The following NUMB variants were observed in gnomAD, a reference collection of about 807,000 sequenced individuals.
NUMB encodes protein numb homolog.
Under a neutral mutation model 59.7 loss-of-function variants are expected in NUMB, and 29 were observed. The ratio of observed to expected loss-of-function variants is 0.49; its 90% CI spans 0.36 to 0.66. NUMB has a LOEUF of 0.66. NUMB is among the 30% of genes least tolerant of loss of function. The pLI is 0.00. For missense variants in NUMB, 723 were observed against 822.0 expected, an observed-to-expected ratio of 0.88 and a Z score of 1.47; for synonymous variants, 288 against 288.2, an observed-to-expected ratio of 1.00 and a Z score of 0.01.
intron 6 of NUMB, among the ~76,000 whole-genome samples, chr14:73,306,432 C>T (rs1249739590): frequency 1.3e-5 from 2 of 152,156 alleles, no homozygotes; most frequent in African/African-American, 4.8e-5. Context: ...AAATTTATCC[C>T]TTCTCACAAT....
rs568999106 is a variant in NUMB at position 73,332,453 on chromosome 14, C to T, written c.127-9249G>A. Among the ~76,000 whole-genome samples the T allele has an allele frequency of 3.9e-5, 6 of 152,028 alleles. No homozygotes were observed. The East Asian group carries it at 1.2e-3, about 30-fold the overall frequency. Reference sequence around the variant, plus strand: ...ATTTTTAGTAGAGATAGAGTTTCACCATGTTGGCCAGGCTGGTCTCGAACT... The same window carrying T: ...ATTTTTAGTAGAGATAGAGTTTCACTATGTTGGCCAGGCTGGTCTCGAACT... On this transcript the variant is annotated intron_variant, in intron 4 of 12. Transcript: ENST00000555238.
At chr14:73,430,841 A>G (rs989814623) in intron 1 of NUMB, among the ~76,000 whole-genome samples, 3 of 151,958 alleles carry the variant, frequency 2.0e-5, no homozygotes, top group Non-Finnish European at 2.9e-5. Flanking sequence ...GCTACTGGGA[A>G]GGCTGAGGCA....
rs144898830 is a variant in NUMB, at chr14:73,386,421, G to T, written c.-100-19440C>A. Among the ~76,000 whole-genome samples, 521 of 152,140 alleles carry T rather than the reference G, an allele frequency of 3.4e-3. 1 individual carries two copies. The highest frequency in any genetic ancestry group is 5.5e-3 in the Non-Finnish European group (375 of 68,022). Reference sequence around the variant, plus strand: ...CACTACCCACCCATACACCACCAGAGAAAGAAGTTGATCCAACGCTGCTAC... The same window carrying T: ...CACTACCCACCCATACACCACCAGATAAAGAAGTTGATCCAACGCTGCTAC... On this transcript the variant is annotated intron_variant, in intron 2 of 12. Coordinates refer to ENST00000555238, the MANE Select transcript of NUMB (RefSeq NM_001005743.2).
chr14:73,447,521 G>C (rs1459284229), intron 1 of NUMB, among the ~76,000 whole-genome samples: 2 of 151,402 alleles, frequency 1.3e-5, no homozygotes, highest in Non-Finnish European at 2.9e-5. Context: ...AATTAGTCTA[G>C]AGTATTACAG....
intron 2 of NUMB, among the ~76,000 whole-genome samples, chr14:73,387,476 T>G (rs1374357447): frequency 6.6e-6 from 1 of 152,090 alleles, no homozygotes; most frequent in Non-Finnish European, 1.5e-5. Flanking sequence ...CAAAATCTGA[T>G]GGTTTTATAA....
chr14:73,301,811 T>G (rs1289631675), intron 6 of NUMB, among the ~76,000 whole-genome samples: 4 of 152,144 alleles, frequency 2.6e-5, no homozygotes, highest in Admixed American at 1.3e-4. Flanking sequence ...CCGGGTGTGG[T>G]GGCTCATGTC....
chr14:73,438,686 A>G (rs1417521983), intron 1 of NUMB, among the ~76,000 whole-genome samples: 1 of 151,960 alleles, frequency 6.6e-6, no homozygotes, highest in Non-Finnish European at 1.5e-5. Context: ...TAATAAACAC[A>G]TATTATATGA....
intron 2 of NUMB, among the ~76,000 whole-genome samples, chr14:73,384,156 CTT>C (rs145759149): frequency 2.1e-5 from 3 of 145,074 alleles, no homozygotes; most frequent in African/African-American, 7.5e-5. Flanking sequence ...GACAAAATTT[CTT>C]TTTTTTTTTT....
At chr14:73,352,316 G>A (rs892067313) in intron 4 of NUMB, among the ~76,000 whole-genome samples, 30 of 149,854 alleles carry the variant, frequency 2.0e-4, no homozygotes, top group Non-Finnish European at 4.1e-4. Flanking sequence ...CTTTACTTTC[G>A]CAGAGAAGCC....
intron 4 of NUMB, among the ~76,000 whole-genome samples, chr14:73,353,437 C>G (rs1455983288): frequency 1.3e-5 from 2 of 150,674 alleles, no homozygotes; most frequent in African/African-American, 4.9e-5. Context: ...TAAGTTGTTT[C>G]CAAATTTTTG....
At chr14:73,437,039 CTCTT>C (rs1898084762) in intron 1 of NUMB, among the ~76,000 whole-genome samples, 1 of 133,164 alleles carries the variant, frequency 7.5e-6, no homozygotes, top group South Asian at 2.3e-4. Context: ...TTTTTTCTCT[CTCTT>C]TTTTTTTTTT....
chr14:73,452,696 G>T (rs1193736682), intron 1 of NUMB, among the ~76,000 whole-genome samples: 1 of 152,186 alleles, frequency 6.6e-6, no homozygotes, highest in Non-Finnish European at 1.5e-5. Flanking sequence ...GGACAAGTGG[G>T]AAAGGTTGGT....
chr14:73,278,058 A>C (rs921407419), intron 12 of NUMB, among the ~76,000 whole-genome samples: 1 of 150,572 alleles, frequency 6.6e-6, no homozygotes, highest in Non-Finnish European at 1.5e-5. Context: ...AAAAAAAAAA[A>C]AAAAAAAAAA....
chr14:73,291,242 G>A (rs545787942), intron 8 of NUMB, among the ~76,000 whole-genome samples: 29 of 151,712 alleles, frequency 1.9e-4, no homozygotes, highest in Non-Finnish European at 3.4e-4. Flanking sequence ...CACCACAGCC[G>A]GCTAATTTTT....
intron 6 of NUMB, chr14:73,297,927 C>T (rs1047331415): frequency 4.0e-5 from 6 of 151,830 alleles, no homozygotes; most frequent in African/African-American, 1.5e-4. Context: ...CTCACTCTGT[C>T]GCCCAGGCTG....
intron 2 of NUMB, among the ~76,000 whole-genome samples, chr14:73,393,073 A>G (rs769793560): frequency 5.8e-4 from 89 of 152,234 alleles, no homozygotes; most frequent in Non-Finnish European, 1.5e-4. Flanking sequence ...AACTGTGAAG[A>G]ACACTTACTC....
intron 1 of NUMB, among the ~76,000 whole-genome samples, chr14:73,449,623 A>G (rs1489383358): frequency 6.6e-6 from 1 of 152,212 alleles, no homozygotes; most frequent in African/African-American, 2.4e-5. Context: ...CCCATGTTTC[A>G]GTCTAATACA....
At chr14:73,289,695 CTTAT>C (rs1203797050) in intron 8 of NUMB, among the ~76,000 whole-genome samples, 4 of 152,154 alleles carry the variant, frequency 2.6e-5, no homozygotes, top group Non-Finnish European at 5.9e-5. Context: ...CTTTTGACTA[CTTAT>C]TTAAAGACTG....
intron 4 of NUMB, among the ~76,000 whole-genome samples, chr14:73,336,120 T>G (rs535613161): frequency 3.4e-4 from 52 of 152,330 alleles, no homozygotes; most frequent in Non-Finnish European, 6.2e-4. Context: ...GTCATATAAC[T>G]TAGTAAATTA....
Sources: allele counts gnomAD v4.1 joint callset (sites outside exome capture counted in the v4.1 genomes callset), GRCh38; gene constraint gnomAD v4.1.1; transcripts MANE v1.5; gene names NCBI Gene and HGNC (gene_info 2026-07-23, HGNC 2026-07-21).